The following PPARA variants were observed in gnomAD, a reference collection of about 807,000 sequenced individuals.
PPARA encodes peroxisome proliferator activated receptor alpha.
A neutral mutation model predicts 42.2 loss-of-function variants in PPARA; 22 were observed. The ratio of observed to expected loss-of-function variants is 0.52; its 90% confidence interval spans 0.37 to 0.74. The LOEUF is 0.74. Among genes scored for constraint, PPARA ranks in the 30% least tolerant of loss-of-function variants. The probability of loss-of-function intolerance (pLI) is 0.00; values close to 1 mark genes in which losing one functional copy is unlikely to be tolerated. For synonymous variants in PPARA, 242 were observed against 239.3 expected (o/e 1.01, Z -0.10); for missense variants, 465 against 608.2 (o/e 0.76, Z 2.48).
At position 46,225,500 on chromosome 22, in the gene PPARA, C is replaced by T. The variant is rs991830353; in HGVS notation, c.711+5486C>T. Among the ~76,000 whole-genome samples the T allele has an allele frequency of 3.9e-5, 6 of 152,122 alleles. No homozygotes were observed. The highest frequency in any genetic ancestry group is 1.4e-4 in the African/African-American group (6 of 41,402). On this transcript the variant is annotated intron_variant, in intron 7 of 8. Coordinates refer to ENST00000407236, the MANE Select transcript of PPARA (RefSeq NM_005036.6). This position sits in a 1 kb window ranked among gnomAD's most constrained non-coding sequence, Gnocchi z 4.1. ...CTTCTGTGTGATGCACGCTCATGCA[C>T]AAATGCACGCACATACCCACACTCA...
chr22:46,225,954 CACAA>C lies in PPARA; in HGVS notation c.712-5836_712-5833del, dbSNP rs1386437388. On this transcript the variant is annotated intron_variant, in intron 7 of 8. Transcript: ENST00000407236. This position sits in a 1 kb window ranked among gnomAD's most constrained non-coding sequence, Gnocchi z 4.1. ...GCTCACACACATGCACCCAGGCACA[CACAA>C]ATCCACATTCACCCATACAGTCACA... 6.6e-6 allele frequency among the ~76,000 whole-genome samples: 1 copy of C among 151,976 alleles called. No homozygotes were observed. The highest frequency in any genetic ancestry group is 1.5e-5 in the Non-Finnish European group (1 of 68,006).
rs1935553367 is a variant in PPARA, at chr22:46,227,545, C to T, written c.712-4247C>T. ...GGCATTGCGGGCATGAGCTACTGCG[C>T]CTGGTCCACATTTAATTTTTTGCAA... On this transcript the variant is annotated intron_variant, in intron 7 of 8. Transcript: ENST00000407236. This position sits in a 1 kb window ranked among gnomAD's most constrained non-coding sequence, Gnocchi z 4.3. 6.6e-6 allele frequency among the ~76,000 whole-genome samples: 1 copy of T among 152,212 alleles called. No individual in the cohort carries two copies. Among genetic ancestry groups the T allele is most frequent in the African/African-American group, 2.4e-5 (1 of 41,454 alleles).
At chr22:46,181,422 T>C (rs1336735438) in intron 3 of PPARA, among the ~76,000 whole-genome samples, 3 of 152,076 alleles carry the variant, frequency 2.0e-5, no homozygotes, top group Non-Finnish European at 4.4e-5. Context: ...AAGCAGCACC[T>C]GAAACTTCCG....
Position 46,212,611 on chromosome 22 carries a change from C to T in PPARA, c.209-2562C>T, listed in dbSNP as rs995148354. Among the ~76,000 whole-genome samples, 5 of 152,140 alleles carry T rather than the reference C, an allele frequency of 3.3e-5. No homozygotes were observed. Among genetic ancestry groups the T allele is most frequent in the South Asian group, 2.1e-4 (1 of 4,832 alleles). ...TGGCTTGATATCTCATTTCTTTTTA[C>T]ACTGAATGAGTTCCCACTGTCTGTT... is the stretch of plus-strand genomic sequence containing the variant. On this transcript the variant is annotated intron_variant, in intron 4 of 8. Transcript: ENST00000407236. The surrounding 1 kb of genome is among the most constrained non-coding windows in gnomAD (Gnocchi z 4.2).
intron 3 of PPARA, among the ~76,000 whole-genome samples, chr22:46,197,772 C>G (rs910851730): frequency 3.3e-5 from 5 of 151,804 alleles, no homozygotes; most frequent in African/African-American, 1.2e-4. Flanking sequence ...GGCGTGGTGG[C>G]GGGCACCTGT....
chr22:46,203,635 A>C lies in PPARA; in HGVS notation c.208+5044A>C, dbSNP rs1932968129. On this transcript the variant is annotated intron_variant, in intron 4 of 8. Transcript: ENST00000407236. The surrounding 1 kb of genome is among the most constrained non-coding windows in gnomAD (Gnocchi z 5.8). Reference sequence around the variant, plus strand: ...GAGAGCAGTATTGGGCGAAAAGGAAAAAAGAAAAAAACTCTCAGCAAAGCT... The same window carrying C: ...GAGAGCAGTATTGGGCGAAAAGGAACAAAGAAAAAAACTCTCAGCAAAGCT... Among the ~76,000 whole-genome samples, 1 of 152,236 alleles carries C rather than the reference A, an allele frequency of 6.6e-6. No homozygotes were observed. Among genetic ancestry groups the C allele is most frequent in the Non-Finnish European group, 1.5e-5 (1 of 68,040 alleles).
rs12166737 is a variant in PPARA at position 46,204,210 on chromosome 22, T to A, written c.208+5619T>A. 2.0e-5 allele frequency among the ~76,000 whole-genome samples: 3 copies of A among 152,226 alleles called. No individual in the cohort carries two copies. The highest frequency in any genetic ancestry group is 7.2e-5 in the African/African-American group (3 of 41,452). ...TCAATAGTTCATTCTTCATCCATCA[T>A]GTGGACATAGCACAGTTTGCTGATT... On this transcript the variant is annotated intron_variant, in intron 4 of 8. Coordinates refer to ENST00000407236, the MANE Select transcript of PPARA (RefSeq NM_005036.6). The surrounding 1 kb of genome is among the most constrained non-coding windows in gnomAD (Gnocchi z 5.2).
chr22:46,152,131 C>CT (rs1478399625), intron 2 of PPARA, among the ~76,000 whole-genome samples, 161 bp downstream of exon 2: 10 of 138,970 alleles, frequency 7.2e-5, no homozygotes, highest in African/African-American at 2.4e-4. Flanking sequence ...TGCATGGATT[C>CT]ATTTTTTTTT....
At chr22:46,215,109 A>G in intron 4 of PPARA, 64 bp from the exon 5 acceptor site, 17 of 1,578,536 alleles carry the variant, frequency 1.1e-5, no homozygotes, top group Non-Finnish European at 1.4e-5. Flanking sequence ...ATCCTCATAG[A>G]CCCGGTTCAG....
At position 46,225,864 on chromosome 22, in the gene PPARA, C is replaced by T. The variant is rs1480496600; in HGVS notation, c.711+5850C>T. Among the ~76,000 whole-genome samples, 1 of 151,678 alleles carries T rather than the reference C, an allele frequency of 6.6e-6. No homozygotes were observed. The highest frequency in any genetic ancestry group is 1.5e-5 in the Non-Finnish European group (1 of 67,920). On this transcript the variant is annotated intron_variant, in intron 7 of 8. Coordinates refer to ENST00000407236, the MANE Select transcript of PPARA (RefSeq NM_005036.6). The surrounding 1 kb of genome is among the most constrained non-coding windows in gnomAD (Gnocchi z 4.1). ...CCACACACGCACACACACACATGCA[C>T]CCACACATGGATACACGCACACTCA...
chr22:46,217,278 T>C (rs1934578221), intron 5 of PPARA, among the ~76,000 whole-genome samples: 1 of 152,090 alleles, frequency 6.6e-6, no homozygotes, highest in South Asian at 2.1e-4. Context: ...GGCAAAAATA[T>C]AGAAGAATGA....
intron 4 of PPARA, among the ~76,000 whole-genome samples, chr22:46,214,534 G>A (rs1257512546): frequency 7.5e-6 from 1 of 134,148 alleles, no homozygotes; most frequent in Non-Finnish European, 1.6e-5. Flanking sequence ...TGTGGATCAG[G>A]AGATGTTGGG....
In PPARA at chr22:46,240,667, G is replaced by A. The variant is rs1207710800; in HGVS notation, c.*5287G>A. 5 of 159,810 alleles carry A rather than the reference G, an allele frequency of 3.1e-5. No individual in the cohort carries two copies. The highest frequency in any genetic ancestry group is 1.8e-4 in the East Asian group (1 of 5,690). 9.9% of individuals were successfully genotyped at this position (159,810 alleles called of 1,614,324 possible). A position where few individuals can be genotyped will look rare whatever the true frequency, so the allele number is the denominator to read the frequency against. On this transcript the variant is annotated 3_prime_UTR_variant, in exon 9 of 9. Coordinates refer to ENST00000407236, the MANE Select transcript of PPARA (RefSeq NM_005036.6). This position sits in a 1 kb window ranked among gnomAD's most constrained non-coding sequence, Gnocchi z 6.0. ...TTAAAAATGTCCACGGGAACCTCTC[G>A]TCCACAGGAGGTTTGTCTCAACACT...
chr22:46,166,238 G>T (rs903797775), intron 2 of PPARA, among the ~76,000 whole-genome samples: 2 of 152,098 alleles, frequency 1.3e-5, no homozygotes, highest in African/African-American at 4.8e-5. Context: ...AGCATCTGTC[G>T]GTCAGTTTCA....
chr22:46,202,736 G>A (rs1157170105), intron 4 of PPARA, among the ~76,000 whole-genome samples: 1 of 151,128 alleles, frequency 6.6e-6, no homozygotes, highest in East Asian at 2.0e-4. Flanking sequence ...TGCGATCTTG[G>A]CCTGTAATCC....
In PPARA at chr22:46,182,535, A is replaced by G. The variant is rs148791139; in HGVS notation, c.-43+5699A>G. Among the ~76,000 whole-genome samples the G allele has an allele frequency of 1.4e-4, 22 of 152,336 alleles. No homozygotes were observed. In the East Asian group the frequency reaches 4.2e-3, roughly 29 times the overall value. ...ACTAATCTGTAATGACAGGAAGCAG[A>G]CCAGTGACAGTGGGCATGGAGGGGC... is the stretch of plus-strand genomic sequence containing the variant. On this transcript the variant is annotated intron_variant, in intron 3 of 8. Coordinates refer to ENST00000407236, the MANE Select transcript of PPARA (RefSeq NM_005036.6). This position sits in a 1 kb window ranked among gnomAD's most constrained non-coding sequence, Gnocchi z 5.2.
Position 46,200,749 on chromosome 22 carries a change from C to T in PPARA, c.208+2158C>T, listed in dbSNP as rs1369382207. ...TGGCCAACATGGCAAAACCCCATCT[C>T]TACTAAAGAATACAAAACATTAGCT... is the stretch of plus-strand genomic sequence containing the variant. On this transcript the variant is annotated intron_variant, in intron 4 of 8. Transcript: ENST00000407236. The surrounding 1 kb of genome is among the most constrained non-coding windows in gnomAD (Gnocchi z 4.8). 6.6e-6 allele frequency among the ~76,000 whole-genome samples: 1 copy of T among 151,846 alleles called. No homozygotes were observed. The highest frequency in any genetic ancestry group is 1.5e-5 in the Non-Finnish European group (1 of 67,992).
At position 46,242,835 on chromosome 22, in the gene PPARA, T is replaced by A. The variant is rs983985768; in HGVS notation, c.*7455T>A. The A allele has an allele frequency of 6.6e-6, 1 of 152,552 alleles. No individual in the cohort carries two copies. Among genetic ancestry groups the A allele is most frequent in the Non-Finnish European group, 1.5e-5 (1 of 68,072 alleles). The allele number at this position is 152,552 out of a possible 1,614,324, so 9.4% of individuals were successfully genotyped here. ...TCTGTTCCCTTTACCACACTGTATA[T>A]GCACAGAGCACAAGAGAGGCTATCT... On this transcript the variant is annotated 3_prime_UTR_variant, in exon 9 of 9. Coordinates refer to ENST00000407236, the MANE Select transcript of PPARA (RefSeq NM_005036.6). The surrounding 1 kb of genome is among the most constrained non-coding windows in gnomAD (Gnocchi z 6.1).
chr22:46,200,814 T>G lies in PPARA; in HGVS notation c.208+2223T>G, dbSNP rs186005774. ...GTGCCTGTAATCCCAGCTACTCTAC[T>G]CAGGAGGCTGAGGCAGGGAGAATTG... On this transcript the variant is annotated intron_variant, in intron 4 of 8. Transcript: ENST00000407236. The surrounding 1 kb of genome is among the most constrained non-coding windows in gnomAD (Gnocchi z 4.8). 1.3e-4 allele frequency among the ~76,000 whole-genome samples: 19 copies of G among 151,884 alleles called. No homozygotes were observed. The highest frequency in any genetic ancestry group is 4.1e-4 in the African/African-American group (17 of 41,398).
Sources: gnomAD v4.1 joint callset for allele counts (sites outside exome capture counted in the v4.1 genomes callset) on GRCh38, gnomAD v4.1.1 for gene constraint, Gnocchi (gnomAD v3.1) non-coding constraint, MANE v1.5 for transcripts, NCBI Gene and HGNC (gene_info 2026-07-23, HGNC 2026-07-21) for gene names.